Variants in WDR33 observed in about 807,000 individuals in gnomAD.
The protein encoded by WDR33 is WD repeat domain 33, also known as pre-mRNA 3' end processing protein WDR33.
WDR33 carries 47 observed loss-of-function variants against 164.9 expected under a neutral mutation model. The observed-to-expected ratio is 0.29, with a 90% confidence interval of 0.23 to 0.36. The LOEUF is 0.36. Among genes scored for constraint, WDR33 ranks in the 10% least tolerant of loss-of-function variants. The pLI, the probability that WDR33 is intolerant of heterozygous loss-of-function variation, is 1.00. For synonymous variants in WDR33, 505 were observed against 589.0 expected (o/e 0.86, Z 2.06); for missense variants, 1,137 against 1,754.1 (o/e 0.65, Z 6.28).
intron 7 of WDR33, chr2:127,736,501 T>C (rs1686847227): frequency 1.0e-6 from 1 of 985,354 alleles, no homozygotes. Context: ...CAAGCTCAAA[T>C]GGATAAAAAG....
At chr2:127,749,206 C>T (rs147299011) in intron 7 of WDR33, among the ~76,000 whole-genome samples, 3 of 152,244 alleles carry the variant, frequency 2.0e-5, no homozygotes, top group Non-Finnish European at 4.4e-5. Flanking sequence ...GGCATAGTGG[C>T]ATGCAACTGC....
At position 127,770,895 on chromosome 2, in the gene WDR33, T is replaced by C. The variant is rs778917688; in HGVS notation, c.87A>G (p.Arg29=). The change falls in exon 2 of 22, where the codon CGA becomes CGG. Residue 29 remains arginine, a synonymous_variant. Coordinates refer to ENST00000322313, the MANE Select transcript of WDR33 (RefSeq NM_018383.5). This position sits in a 1 kb window ranked among gnomAD's most constrained non-coding sequence, Gnocchi z 4.9. The part of the protein sequence containing the change: ...HQAPRQLFYK[R]PDFAQQQAMQ... ...TTGCTTGCTGTTGTGCAAAATCAGG[T>C]CGCTTATAAAACAGCTGTCGAGGTG... 4.3e-6 allele frequency: 7 copies of C among 1,613,976 alleles called. No homozygotes were observed. Among genetic ancestry groups the C allele is most frequent in the African/African-American group, 1.3e-5 (1 of 74,886 alleles).
In WDR33 at chr2:127,723,629, C is replaced by A. The variant is rs941441298; in HGVS notation, c.1197-282G>T. Among the ~76,000 whole-genome samples the A allele has an allele frequency of 1.3e-5, 2 of 151,262 alleles. No individual in the cohort carries two copies. Among genetic ancestry groups the A allele is most frequent in the African/African-American group, 4.9e-5 (2 of 41,080 alleles). On this transcript the variant is annotated intron_variant, in intron 11 of 21. Transcript: ENST00000322313. This position sits in a 1 kb window ranked among gnomAD's most constrained non-coding sequence, Gnocchi z 5.9. ...TTAAAAAGTTAGCTGGGTGTGGTGG[C>A]ACACACCTGTAGTCTCAGCTACTCA...
In WDR33 at chr2:127,713,726, G is replaced by T; in HGVS notation, c.3165C>A (p.Pro1055=). 1 of 1,614,216 alleles carries T rather than the reference G, an allele frequency of 6.2e-7. No individual in the cohort carries two copies. Among genetic ancestry groups the T allele is most frequent in the Non-Finnish European group, 8.5e-7 (1 of 1,179,996 alleles). The change falls in exon 18 of 22, where the codon CCC becomes CCA. Residue 1055 remains proline, a synonymous_variant. Coordinates refer to ENST00000322313, the MANE Select transcript of WDR33 (RefSeq NM_018383.5). This position sits in a 1 kb window ranked among gnomAD's most constrained non-coding sequence, Gnocchi z 6.2. ...CCTCGCTGAATTCCCTGTGATCAGGGGGAAACGGAGGCCCAGGGCCCCCTC... is the reference window on the plus strand; with the variant it reads ...CCTCGCTGAATTCCCTGTGATCAGGTGGAAACGGAGGCCCAGGGCCCCCTC... The part of the protein sequence containing the change: ...WRRGGPGPPF[P]PDHREFSEGD...
intron 1 of WDR33, among the ~76,000 whole-genome samples, chr2:127,777,907 T>C (rs1688238199): frequency 6.6e-6 from 1 of 152,156 alleles, no homozygotes. Context: ...CCACTGCACC[T>C]GGTCAATTCT....
intron 18 of WDR33, among the ~76,000 whole-genome samples, chr2:127,711,770 A>ATTTTTTTTTTTTTTTTTTTTTTT: frequency 1.3e-5 from 1 of 77,880 alleles, no homozygotes. Flanking sequence ...ATATATATAT[A>ATTTTTTTTTTTTTTTTTTTTTTT]TATATATATA....
chr2:127,702,262 T>A lies in WDR33; in HGVS notation c.*4061A>T, dbSNP rs1685911115. On this transcript the variant is annotated 3_prime_UTR_variant, in exon 22 of 22. Coordinates refer to ENST00000322313, the MANE Select transcript of WDR33 (RefSeq NM_018383.5). ...GGCCGAGCTGAGGACTGCACGCCGC[T>A]GTGCGGAAGCCCGTGGCGAAGGCCC... 8.8e-7 allele frequency: 1 copy of A among 1,140,666 alleles called. No individual in the cohort carries two copies. Among genetic ancestry groups the A allele is most frequent in the African/African-American group, 1.6e-5 (1 of 60,964 alleles). 70.7% of individuals were successfully genotyped at this position (1,140,666 alleles called of 1,614,324 possible).
intron 4 of WDR33, among the ~76,000 whole-genome samples, chr2:127,766,155 T>C (rs1408728345): frequency 6.6e-6 from 1 of 152,098 alleles, no homozygotes; most frequent in Non-Finnish European, 1.5e-5. Context: ...TCAAATTTTT[T>C]GTTTTTACTT....
chr2:127,722,973 C>A lies in WDR33; in HGVS notation c.1363G>T (p.Glu455Ter). Residue 455 changes from glutamate to a stop codon, truncating the protein, a stop_gained, in exon 13 of 22, where the codon GAA becomes TAA. Coordinates refer to ENST00000322313, the MANE Select transcript of WDR33 (RefSeq NM_018383.5). LOFTEE classifies it high-confidence loss of function. The surrounding 1 kb of genome is among the most constrained non-coding windows in gnomAD (Gnocchi z 5.1). ...GIPEQLKLAM[E>*]QEQMGKDESN... ...CTTCTCTTACCCATCTGTTCTTGTTCCATAGCTAATTTTAGTTGTTCTGGT... is the reference window on the plus strand; with the variant it reads ...CTTCTCTTACCCATCTGTTCTTGTTACATAGCTAATTTTAGTTGTTCTGGT... 1 of 1,610,464 alleles carries A rather than the reference C, an allele frequency of 6.2e-7. No individual in the cohort carries two copies. Among genetic ancestry groups the A allele is most frequent in the South Asian group, 1.1e-5 (1 of 89,888 alleles).
intron 1 of WDR33, among the ~76,000 whole-genome samples, chr2:127,794,845 A>G (rs796391111): frequency 7.1e-6 from 1 of 141,354 alleles, no homozygotes; most frequent in African/African-American, 2.9e-5. Flanking sequence ...AAAAAAAAAA[A>G]AAAAAAAGAA....
Position 127,708,272 on chromosome 2 carries a change from C to T in WDR33, c.3781+405G>A, listed in dbSNP as rs1179652373. On this transcript the variant is annotated intron_variant, in intron 21 of 21. Coordinates refer to ENST00000322313, the MANE Select transcript of WDR33 (RefSeq NM_018383.5). The surrounding 1 kb of genome is among the most constrained non-coding windows in gnomAD (Gnocchi z 6.7). ...AAGTCTCTGTGACTTTGAGCACAAGCAGTGTTCCTCTAGACCCAGGCTAAA... is the reference window on the plus strand; with the variant it reads ...AAGTCTCTGTGACTTTGAGCACAAGTAGTGTTCCTCTAGACCCAGGCTAAA... 6.6e-6 allele frequency among the ~76,000 whole-genome samples: 1 copy of T among 152,220 alleles called. No individual in the cohort carries two copies. The highest frequency in any genetic ancestry group is 1.5e-5 in the Non-Finnish European group (1 of 68,036).
In WDR33 at chr2:127,735,581, A is replaced by C; in HGVS notation, c.725-8804T>G. The C allele has an allele frequency of 1.0e-6, 1 of 985,856 alleles. No homozygotes were observed. The highest frequency in any genetic ancestry group is 4.7e-5 in the South Asian group (1 of 21,288). The allele number at this position is 985,856 out of a possible 1,614,324, so 61.1% of individuals were successfully genotyped here. Reference sequence around the variant, plus strand: ...TTCAAGTACCATCTTGTACAATATTAACAGAACTGTTACTCAAGAAAATGT... The same window carrying C: ...TTCAAGTACCATCTTGTACAATATTCACAGAACTGTTACTCAAGAAAATGT... On this transcript the variant is annotated intron_variant, in intron 7 of 21. Coordinates refer to ENST00000322313, the MANE Select transcript of WDR33 (RefSeq NM_018383.5). The surrounding 1 kb of genome is among the most constrained non-coding windows in gnomAD (Gnocchi z 4.3).
At position 127,726,631 on chromosome 2, in the gene WDR33, G is replaced by A. The variant is rs749288371; in HGVS notation, c.851+20C>T. 1 of 1,613,372 alleles carries A rather than the reference G, an allele frequency of 6.2e-7. No homozygotes were observed. The highest frequency in any genetic ancestry group is 2.2e-5 in the East Asian group (1 of 44,882). On this transcript the variant is annotated intron_variant, in intron 8 of 21. Coordinates refer to ENST00000322313, the MANE Select transcript of WDR33 (RefSeq NM_018383.5). The surrounding 1 kb of genome is among the most constrained non-coding windows in gnomAD (Gnocchi z 4.8). ...TGCTCCCCTTTGTTCAGGGGCCAAG[G>A]TGGGGTTCCTGTCACTTACAGTGTT...
chr2:127,737,254 G>C (rs1686871660), intron 7 of WDR33: 2 of 985,198 alleles, frequency 2.0e-6, no homozygotes, highest in African/African-American at 1.7e-5. Flanking sequence ...CAATATCATA[G>C]AGAACATCAG....
intron 7 of WDR33, among the ~76,000 whole-genome samples, chr2:127,743,733 G>GCTTAAAATTTAAATGTTCTTAAAAAA (rs1687091725): frequency 6.6e-6 from 1 of 152,078 alleles, no homozygotes; most frequent in Non-Finnish European, 1.5e-5. Context: ...AAAAATAAAG[G>GCTTAAAATTTAAATGTTCTTAAAAAA]TTTAAGAACA....
At chr2:127,800,170 T>C (rs1433609765) in intron 1 of WDR33, among the ~76,000 whole-genome samples, 1 of 152,210 alleles carries the variant, frequency 6.6e-6, no homozygotes, top group East Asian at 1.9e-4. Context: ...CCAAGGGAAC[T>C]GAAAGCATTA....
chr2:127,788,195 G>A, intron 1 of WDR33, among the ~76,000 whole-genome samples: 3 of 124,462 alleles, frequency 2.4e-5, no homozygotes, highest in African/African-American at 6.4e-5. Context: ...CCGGGCGGAG[G>A]GCTGACCCCC....
chr2:127,709,655 T>C lies in WDR33; in HGVS notation c.3472+38A>G. On this transcript the variant is annotated intron_variant, in intron 19 of 21. Transcript: ENST00000322313. The surrounding 1 kb of genome is among the most constrained non-coding windows in gnomAD (Gnocchi z 5.0). ...TTCACAACCAGTGTATTCTGCACCCTATCCTTCCAGACCAGGTGTCTTTAG... is the reference window on the plus strand; with the variant it reads ...TTCACAACCAGTGTATTCTGCACCCCATCCTTCCAGACCAGGTGTCTTTAG... 1 of 1,614,120 alleles carries C rather than the reference T, an allele frequency of 6.2e-7. No homozygotes were observed. The highest frequency in any genetic ancestry group is 8.5e-7 in the Non-Finnish European group (1 of 1,179,948).
chr2:127,785,661 T>C (rs1688538880), intron 1 of WDR33, among the ~76,000 whole-genome samples: 1 of 140,124 alleles, frequency 7.1e-6, no homozygotes, highest in South Asian at 2.1e-4. Flanking sequence ...CTTTTTTTTG[T>C]TTTTACTACT....
Sources: allele counts gnomAD v4.1 joint callset (sites outside exome capture counted in the v4.1 genomes callset), GRCh38; gene constraint gnomAD v4.1.1; non-coding constraint Gnocchi (gnomAD v3.1); transcripts MANE v1.5; gene names NCBI Gene and HGNC (gene_info 2026-07-23, HGNC 2026-07-21).